Variants in TMEM229B observed in about 807,000 individuals in gnomAD.
TMEM229B encodes transmembrane protein 229B.
A neutral mutation model predicts 13.7 loss-of-function variants in TMEM229B; 6 were observed. The observed-to-expected ratio is 0.44, with a 90% CI of 0.24 to 0.86. The LOEUF is 0.86. TMEM229B is among the 40% of genes least tolerant of loss of function. The pLI, the probability that TMEM229B is intolerant of heterozygous loss-of-function variation, is 0.23. For synonymous variants in TMEM229B, 107 were observed against 102.1 expected, an observed-to-expected ratio of 1.05 and a Z score of -0.29; for missense variants, 170 against 236.0, an observed-to-expected ratio of 0.72 and a Z score of 1.83.
intron 2 of TMEM229B, among the ~76,000 whole-genome samples, chr14:67,486,108 G>A (rs941214236): frequency 2.0e-5 from 3 of 152,188 alleles, no homozygotes; most frequent in African/African-American, 4.8e-5. Flanking sequence ...CTTCACTCAC[G>A]CCAGACAATC....
rs1178400919 is a variant in TMEM229B at position 67,473,361 on chromosome 14, T to C, written c.*59A>G. 7 of 1,581,724 alleles carry C rather than the reference T, an allele frequency of 4.4e-6. No homozygotes were observed. The highest frequency in any genetic ancestry group is 5.2e-6 in the Non-Finnish European group (6 of 1,164,222). Reference sequence around the variant, plus strand: ...GCATGGATGGGGCAACCTCACCAGCTTGGTCTCTTTGTCCATGAGTTCCAT... The same window carrying C: ...GCATGGATGGGGCAACCTCACCAGCCTGGTCTCTTTGTCCATGAGTTCCAT... On this transcript the variant is annotated 3_prime_UTR_variant, in exon 3 of 3. Coordinates refer to ENST00000554480, the MANE Select transcript of TMEM229B (RefSeq NM_001348543.2). The surrounding 1 kb of genome is among the most constrained non-coding windows in gnomAD (Gnocchi z 6.5).
At chr14:67,527,850 T>C (rs2033391018) in intron 1 of TMEM229B, among the ~76,000 whole-genome samples, 1 of 152,184 alleles carries the variant, frequency 6.6e-6, no homozygotes, top group Non-Finnish European at 1.5e-5. Context: ...CACTCACAGC[T>C]CTGCATGTAG....
At position 67,473,536 on chromosome 14, in the gene TMEM229B, T is replaced by G. The variant is rs1176848306; in HGVS notation, c.388A>C (p.Ile130Leu). The G allele has an allele frequency of 1.9e-6, 3 of 1,614,024 alleles. No homozygotes were observed. In the South Asian group the frequency reaches 3.3e-5, roughly 18 times the overall value. The change falls in exon 3 of 3, where the codon ATC becomes CTC. Residue 130 changes from isoleucine (I) to leucine (L), a missense_variant. Physicochemically the swap from Ile to Leu is conservative, Grantham distance 5. This residue lies in a region of TMEM229B where 70 missense variants were observed against 60.9 expected (regional missense o/e 1.15). Transcript: ENST00000554480. The surrounding 1 kb of genome is among the most constrained non-coding windows in gnomAD (Gnocchi z 6.5). ...YAVPWFCGAL[I>L]MEQFIIRNTL... ...TTGCGGATGATGAACTGCTCCATGA[T>G]GAGGGCCCCGCAGAACCAGGGCACG...
intron 1 of TMEM229B, among the ~76,000 whole-genome samples, chr14:67,522,357 C>A (rs933444854): frequency 6.6e-6 from 1 of 152,146 alleles, no homozygotes; most frequent in African/African-American, 2.4e-5. Flanking sequence ...ATCCAAACTC[C>A]AAGCTGGTCA....
At chr14:67,486,215 G>T (rs1566680661) in intron 2 of TMEM229B, among the ~76,000 whole-genome samples, 1 of 152,216 alleles carries the variant, frequency 6.6e-6, no homozygotes, top group Non-Finnish European at 1.5e-5. Flanking sequence ...GAATCATGGG[G>T]CCAGGTCTTT....
rs577897728 is a variant in TMEM229B at position 67,521,115 on chromosome 14, T to G, written c.-192+12521A>C. ...GAAAGCAGCAAGAGGCTCTGAAAAG[T>G]ACCAGGACAGGAAGATGTAGATTGT... On this transcript the variant is annotated intron_variant, in intron 1 of 2. Transcript: ENST00000554278. 1.2e-4 allele frequency among the ~76,000 whole-genome samples: 19 copies of G among 152,358 alleles called. No homozygotes were observed. The South Asian group carries it at 2.7e-3, about 22-fold the overall frequency.
intron 1 of TMEM229B, among the ~76,000 whole-genome samples, chr14:67,507,028 G>A (rs1349542518): frequency 6.6e-6 from 1 of 151,984 alleles, no homozygotes; most frequent in Non-Finnish European, 1.5e-5. Context: ...TTGTTCAAAG[G>A]GAACTGAAGA....
chr14:67,531,025 T>A (rs2033435590), intron 1 of TMEM229B, among the ~76,000 whole-genome samples: 2 of 152,184 alleles, frequency 1.3e-5, no homozygotes, highest in Non-Finnish European at 2.9e-5. Flanking sequence ...TGCCCTAGCA[T>A]ATCCTTCAAC....
At position 67,522,413 on chromosome 14, in the gene TMEM229B, G is replaced by A. The variant is rs777933995; in HGVS notation, c.-192+11223C>T. On this transcript the variant is annotated intron_variant, in intron 1 of 2. Coordinates refer to the TMEM229B transcript ENST00000554278. ...TTGCCAGGATACAAGAAGCTTAGTC[G>A]TCTGAGGGGGGACAAAGGAGTATTG... Among the ~76,000 whole-genome samples the A allele has an allele frequency of 9.2e-5, 14 of 152,286 alleles. No individual in the cohort carries two copies. The East Asian group carries it at 9.7e-4, about 11-fold the overall frequency.
chr14:67,514,945 G>C (rs7148937), intron 1 of TMEM229B: 9,109 of 151,136 alleles, frequency 0.06, 381 homozygotes, highest in South Asian at 0.16. Context: ...AGCGGGATCT[G>C]CTACAGCCCC....
In TMEM229B at chr14:67,471,977, T is replaced by G. The variant is rs571500352; in HGVS notation, c.*1443A>C. ...GAGGAGTGAGAGTCAGAGCCGGAAGTAGGCTGGAGTGAGTATTTCACCTGT... is the reference window on the plus strand; with the variant it reads ...GAGGAGTGAGAGTCAGAGCCGGAAGGAGGCTGGAGTGAGTATTTCACCTGT... On this transcript the variant is annotated 3_prime_UTR_variant, in exon 3 of 3. Transcript: ENST00000554480. 4 of 152,298 alleles carry G rather than the reference T, an allele frequency of 2.6e-5. No homozygotes were observed. The highest frequency in any genetic ancestry group is 9.6e-5 in the African/African-American group (4 of 41,482). The allele number at this position is 152,298 out of a possible 1,614,324, so 9.4% of individuals were successfully genotyped here. A position where few individuals can be genotyped will look rare whatever the true frequency, so the allele number is the denominator to read the frequency against.
rs970593957 is a variant in TMEM229B, at chr14:67,472,618, C to G, written c.*802G>C. On this transcript the variant is annotated 3_prime_UTR_variant, in exon 3 of 3. Transcript: ENST00000554480. Reference sequence around the variant, plus strand: ...GCAAGGGGGTGAGGGTTGGGGGTGTCTCAGGGCTTCATCTCCGGCAGCTCC... The same window carrying G: ...GCAAGGGGGTGAGGGTTGGGGGTGTGTCAGGGCTTCATCTCCGGCAGCTCC... 5 of 150,838 alleles carry G rather than the reference C, an allele frequency of 3.3e-5. No homozygotes were observed. The highest frequency in any genetic ancestry group is 3.3e-4 in the Admixed American group (5 of 15,126). 9.3% of individuals were successfully genotyped at this position (150,838 alleles called of 1,614,324 possible). A position where few individuals can be genotyped will look rare whatever the true frequency, so the allele number is the denominator to read the frequency against.
At position 67,473,911 on chromosome 14, in the gene TMEM229B, C is replaced by G. The variant is rs1017669924; in HGVS notation, c.13G>C (p.Glu5Gln). MASA[E>Q]PLTALSRWYL... The stretch of plus-strand genomic sequence containing the variant: ...CAGCGGGACAGCGCCGTCAGGGGCT[C>G]GGCAGACGCCATGGCGCCGACTGGG... Residue 5 changes from glutamate (E) to glutamine (Q), a missense_variant, in exon 3 of 3, where the codon GAG becomes CAG. By Grantham distance (29) the Glu-to-Gln change is conservative (BLOSUM62 2). Around this residue, in one of 4 missense-constraint regions of TMEM229B, gnomAD observed 36 missense variants for 83.8 expected, o/e 0.43. Coordinates refer to ENST00000554480, the MANE Select transcript of TMEM229B (RefSeq NM_001348543.2). This position sits in a 1 kb window ranked among gnomAD's most constrained non-coding sequence, Gnocchi z 6.5. 3 of 1,603,428 alleles carry G rather than the reference C, an allele frequency of 1.9e-6. No homozygotes were observed. Among genetic ancestry groups the G allele is most frequent in the Non-Finnish European group, 2.6e-6 (3 of 1,175,436 alleles).
chr14:67,501,343 A>C (rs751124592), intron 1 of TMEM229B, among the ~76,000 whole-genome samples: 1 of 152,094 alleles, frequency 6.6e-6, no homozygotes, highest in Non-Finnish European at 1.5e-5. Context: ...TTTAGTAATC[A>C]AGATAAACGA....
chr14:67,515,640 G>A (rs2033183677), upstream of TMEM229B, among the ~76,000 whole-genome samples: 1 of 152,030 alleles, frequency 6.6e-6, no homozygotes, highest in Non-Finnish European at 1.5e-5. Flanking sequence ...CGCGGCGCAG[G>A]TGGCTGCGGT....
intron 2 of TMEM229B, among the ~76,000 whole-genome samples, chr14:67,481,182 C>T (rs957984252): frequency 2.6e-5 from 4 of 152,124 alleles, no homozygotes; most frequent in African/African-American, 9.7e-5. Context: ...GTCCCAGACG[C>T]TAAGGCAGGA....
intron 1 of TMEM229B, among the ~76,000 whole-genome samples, chr14:67,510,221 G>T (rs2032981975): frequency 6.6e-6 from 1 of 152,170 alleles, no homozygotes; most frequent in Non-Finnish European, 1.5e-5. Flanking sequence ...AATGGTGATT[G>T]TCATTATTAT....
intron 2 of TMEM229B, among the ~76,000 whole-genome samples, chr14:67,476,448 G>A (rs1389107492): frequency 6.6e-6 from 1 of 152,102 alleles, no homozygotes; most frequent in Non-Finnish European, 1.5e-5. Context: ...TTAGCTGGGT[G>A]TGGTGGCATG....
intron 1 of TMEM229B, among the ~76,000 whole-genome samples, chr14:67,526,064 T>C (rs537222721): frequency 1.5e-4 from 23 of 152,362 alleles, no homozygotes; most frequent in African/African-American, 5.3e-4. Context: ...CTGTCAGCTC[T>C]ACCTGATTCC....
Sources: gnomAD v4.1 joint callset for allele counts (sites outside exome capture counted in the v4.1 genomes callset) on GRCh38, gnomAD v4.1.1 for gene constraint, gnomAD v4.1.1 regional missense constraint, Gnocchi (gnomAD v3.1) non-coding constraint, MANE v1.5 for transcripts, NCBI Gene and HGNC (gene_info 2026-07-23, HGNC 2026-07-21) for gene names.